PAX2: variants seen among roughly 807,000 people sequenced by gnomAD.
PAX2 encodes the protein paired box 2.
In PAX2, 9 loss-of-function variants were observed where a neutral mutation model predicts 41.7. The observed-to-expected ratio is 0.22, with a 90% CI of 0.13 to 0.38. The LOEUF (loss-of-function observed/expected upper bound fraction) is 0.38. Among genes scored for constraint, PAX2 ranks in the 10% least tolerant of loss-of-function variants. PAX2 has a pLI of 1.00. For missense variants in PAX2, 418 were observed against 531.6 expected (o/e 0.79, Z 2.10); for synonymous variants, 221 against 212.7 (o/e 1.04, Z -0.34).
chr10:100,792,315 C>T (rs969553118), intron 5 of PAX2, among the ~76,000 whole-genome samples: 5 of 152,228 alleles, frequency 3.3e-5, no homozygotes, highest in Admixed American at 3.3e-4. Context: ...GGCCAGGACC[C>T]TTGACTTTAG....
intron 5 of PAX2, among the ~76,000 whole-genome samples, chr10:100,799,871 G>A (rs182780356): frequency 1.0e-4 from 14 of 133,820 alleles, no homozygotes; most frequent in African/African-American, 2.8e-4. Flanking sequence ...TGCAACCTCC[G>A]CCTCCTGGGT....
chr10:100,752,448 AG>A (rs1190473251), intron 3 of PAX2, among the ~76,000 whole-genome samples: 3 of 152,144 alleles, frequency 2.0e-5, no homozygotes, highest in Admixed American at 1.3e-4. Context: ...CGGGAGGGGA[AG>A]GGGACAAAGC....
At chr10:100,776,241 C>A (rs151009463) in intron 3 of PAX2, among the ~76,000 whole-genome samples, 27 of 152,308 alleles carry the variant, frequency 1.8e-4, no homozygotes, top group African/African-American at 1.9e-4. Context: ...TACTGCCCTG[C>A]CTCCTTTTAC....
chr10:100,818,297 A>C (rs1848256217), intron 7 of PAX2, among the ~76,000 whole-genome samples: 1 of 152,254 alleles, frequency 6.6e-6, no homozygotes. Flanking sequence ...CATCATGAGC[A>C]GCAGTTTCTG....
In PAX2 at chr10:100,806,585, G is replaced by C. The variant is rs1847791765; in HGVS notation, c.772G>C (p.Glu258Gln). 2 of 1,614,058 alleles carry C rather than the reference G, an allele frequency of 1.2e-6. No individual in the cohort carries two copies. Among genetic ancestry groups the C allele is most frequent in the Non-Finnish European group, 1.7e-6 (2 of 1,180,022 alleles). Residue 258 changes from glutamate (E) to glutamine (Q), a missense_variant, in exon 6 of 10, where the codon GAG becomes CAG. Glu to Gln is a conservative substitution (Grantham distance 29). Transcript: ENST00000355243. Reference sequence around the variant, plus strand: ...CTACCCTGACGTCTTCCAGGCATCAGAGCACATCAAATCAGAACAGGTGAG... The same window carrying C: ...CTACCCTGACGTCTTCCAGGCATCACAGCACATCAAATCAGAACAGGTGAG... The part of the protein sequence containing the change: ...PSYPDVFQAS[E>Q]HIKSEQGNEY...
chr10:100,770,136 G>A (rs987197335), intron 3 of PAX2, among the ~76,000 whole-genome samples: 2 of 152,196 alleles, frequency 1.3e-5, no homozygotes, highest in Non-Finnish European at 1.5e-5. Context: ...GAGGTAGGGA[G>A]GCCAGGCAGT....
At chr10:100,810,338 G>A (rs759887783) in intron 7 of PAX2, among the ~76,000 whole-genome samples, 1 of 152,238 alleles carries the variant, frequency 6.6e-6, no homozygotes, top group South Asian at 2.1e-4. Context: ...GGGGGCTTAG[G>A]AGAGCCCTGT....
rs1848555332 is a variant in PAX2 at position 100,826,200 on chromosome 10, G to A, written c.1022-809G>A. Among the ~76,000 whole-genome samples the A allele has an allele frequency of 6.6e-6, 1 of 152,096 alleles. No individual in the cohort carries two copies. The highest frequency in any genetic ancestry group is 1.5e-5 in the Non-Finnish European group (1 of 68,018). On this transcript the variant is annotated intron_variant, in intron 8 of 9. Transcript: ENST00000355243. This position sits in a 1 kb window ranked among gnomAD's most constrained non-coding sequence, Gnocchi z 5.5. The stretch of plus-strand genomic sequence containing the variant: ...TCAATAAACAGGCTTTCCAGTGGCT[G>A]CATCCCCCACCCCCACCCCAGCTCC...
rs75964204 is a variant in PAX2 at position 100,819,261 on chromosome 10, G to C, written c.920-5387G>C. ...AGACTCTGTCTCAAAAAAAAAAAAG[G>C]GGGGGGAGTTTAAAAACATATCAAT... is the stretch of plus-strand genomic sequence containing the variant. On this transcript the variant is annotated intron_variant, in intron 7 of 9. Transcript: ENST00000355243. Among the ~76,000 whole-genome samples, 71 of 147,752 alleles carry C rather than the reference G, an allele frequency of 4.8e-4. 1 individual carries two copies. In the South Asian group the frequency reaches 8.4e-3, roughly 17 times the overall value.
At chr10:100,808,004 C>T (rs570632499) in intron 6 of PAX2, among the ~76,000 whole-genome samples, 4 of 152,310 alleles carry the variant, frequency 2.6e-5, no homozygotes, top group Admixed American at 6.5e-5. Flanking sequence ...CCGAGGCGGG[C>T]GGCTCAGTGC....
At chr10:100,740,879 T>C (rs572257322), upstream of PAX2, among the ~76,000 whole-genome samples, 1 of 152,354 alleles carries the variant, frequency 6.6e-6, no homozygotes, top group Admixed American at 6.5e-5. Flanking sequence ...GCTTGTTCTC[T>C]GTTGGACAGG....
At chr10:100,757,354 A>G (rs1298615644) in intron 3 of PAX2, among the ~76,000 whole-genome samples, 1 of 152,264 alleles carries the variant, frequency 6.6e-6, no homozygotes, top group Non-Finnish European at 1.5e-5. Flanking sequence ...CAATAAGGCT[A>G]GGCTGAAGAT....
intron 5 of PAX2, among the ~76,000 whole-genome samples, chr10:100,798,594 T>A (rs1011340298): frequency 2.0e-5 from 3 of 152,020 alleles, no homozygotes; most frequent in Admixed American, 1.3e-4. Flanking sequence ...TCTCTCCTTT[T>A]TCCTATCTAT....
intron 3 of PAX2, among the ~76,000 whole-genome samples, chr10:100,768,220 A>G (rs972868097): frequency 3.3e-5 from 5 of 152,224 alleles, no homozygotes; most frequent in Admixed American, 3.3e-4. Context: ...AGGTTTTGAT[A>G]AATATATCCA....
rs1589909569 is a variant in PAX2 at position 100,826,669 on chromosome 10, G to A, written c.1022-340G>A. On this transcript the variant is annotated intron_variant, in intron 8 of 9. Transcript: ENST00000355243. This position sits in a 1 kb window ranked among gnomAD's most constrained non-coding sequence, Gnocchi z 5.5. ...TAGAACCGGAGTGGCATCTATAAAG[G>A]CCCTGGCCCCCAGCGCGACAGGGTG... Among the ~76,000 whole-genome samples the A allele has an allele frequency of 6.6e-6, 1 of 152,194 alleles. No individual in the cohort carries two copies. The highest frequency in any genetic ancestry group is 2.1e-4 in the South Asian group (1 of 4,832).
Position 100,748,683 on chromosome 10 carries a change from C to T in PAX2, c.44-1063C>T, listed in dbSNP as rs1845306124. 2 of 985,460 alleles carry T rather than the reference C, an allele frequency of 2.0e-6. No individual in the cohort carries two copies. Among genetic ancestry groups the T allele is most frequent in the Non-Finnish European group, 2.4e-6 (2 of 829,926 alleles). The allele number at this position is 985,460 out of a possible 1,614,324, so 61.0% of individuals were successfully genotyped here. ...CACCCTCAGGCCTGGCACCCAGTGGCCGCCTCGGTTCCGAGATCGGGAGCC... is the reference window on the plus strand; with the variant it reads ...CACCCTCAGGCCTGGCACCCAGTGGTCGCCTCGGTTCCGAGATCGGGAGCC... On this transcript the variant is annotated intron_variant, in intron 1 of 9. Transcript: ENST00000355243. The surrounding 1 kb of genome is among the most constrained non-coding windows in gnomAD (Gnocchi z 5.0).
chr10:100,780,050 C>T (rs1441503787), intron 4 of PAX2, among the ~76,000 whole-genome samples: 1 of 152,170 alleles, frequency 6.6e-6, no homozygotes, highest in Admixed American at 6.5e-5. Flanking sequence ...CTCCCCTTGG[C>T]TCCTCTTCTT....
At position 100,826,251 on chromosome 10, in the gene PAX2, C is replaced by G. The variant is rs1187042949; in HGVS notation, c.1022-758C>G. On this transcript the variant is annotated intron_variant, in intron 8 of 9. Coordinates refer to ENST00000355243, the MANE Select transcript of PAX2 (RefSeq NM_000278.5). This position sits in a 1 kb window ranked among gnomAD's most constrained non-coding sequence, Gnocchi z 5.5. Reference sequence around the variant, plus strand: ...CTCTCAGAGAGGGGCCCCTTCTCCTCTACTTAACCCGCGGTTAGGGATCAC... The same window carrying G: ...CTCTCAGAGAGGGGCCCCTTCTCCTGTACTTAACCCGCGGTTAGGGATCAC... 2.0e-5 allele frequency among the ~76,000 whole-genome samples: 3 copies of G among 150,836 alleles called. No homozygotes were observed. The highest frequency in any genetic ancestry group is 4.4e-5 in the Non-Finnish European group (3 of 67,686).
intron 3 of PAX2, among the ~76,000 whole-genome samples, chr10:100,776,747 A>T (rs913989176): frequency 1.3e-5 from 2 of 152,164 alleles, no homozygotes; most frequent in Admixed American, 1.3e-4. Flanking sequence ...CTATAGCCTT[A>T]TTCCTGACCT....
Sources: allele counts gnomAD v4.1 joint callset (sites outside exome capture counted in the v4.1 genomes callset), GRCh38; gene constraint gnomAD v4.1.1; non-coding constraint Gnocchi (gnomAD v3.1); transcripts MANE v1.5; gene names NCBI Gene and HGNC (gene_info 2026-07-23, HGNC 2026-07-21).